Variants in RYR2 observed in about 807,000 individuals in gnomAD.
RYR2 encodes ryanodine receptor 2.
A neutral mutation model predicts 601.1 loss-of-function variants in RYR2; 227 were observed. The ratio of observed to expected loss-of-function variants is 0.38; its 90% CI spans 0.34 to 0.42. The LOEUF is 0.42. Ranked by LOEUF, RYR2 falls within the 10% of genes least tolerant of loss-of-function variation. The pLI is 1.00. For synonymous variants in RYR2, 2,223 were observed against 2,175.1 expected (o/e 1.02, Z -0.61); for missense variants, 4,646 against 6,156.5 (o/e 0.75, Z 8.21).
intron 1 of RYR2, among the ~76,000 whole-genome samples, chr1:237,141,523 A>G (rs953225745): frequency 2.6e-5 from 4 of 152,140 alleles, no homozygotes; most frequent in African/African-American, 9.7e-5. Context: ...TCTTGGGTGC[A>G]GTTGTTAAGA....
At chr1:237,673,221 G>GCAA (rs1685109478) in intron 58 of RYR2, among the ~76,000 whole-genome samples, 1 of 152,100 alleles carries the variant, frequency 6.6e-6, no homozygotes, top group Non-Finnish European at 1.5e-5. Flanking sequence ...CATGTTTTAC[G>GCAA]AATGTTAGAT....
chr1:237,206,770 C>T (rs576772159), intron 1 of RYR2, among the ~76,000 whole-genome samples: 4 of 152,106 alleles, frequency 2.6e-5, no homozygotes, highest in South Asian at 2.1e-4. Flanking sequence ...AATCCTCATT[C>T]GGGCATTCAC....
Position 237,784,643 on chromosome 1 carries a change from A to C in RYR2, c.12931A>C (p.Ser4311Arg), listed in dbSNP as rs2149355805. 6.2e-7 allele frequency: 1 copy of C among 1,613,522 alleles called. No individual in the cohort carries two copies. The highest frequency in any genetic ancestry group is 1.7e-5 in the Admixed American group (1 of 59,962). The change falls in exon 90 of 105, where the codon AGC (serine) becomes CGC (arginine). Residue 4311 changes from serine (S) to arginine (R), a missense_variant. Physicochemically the swap from Ser to Arg is moderately radical, Grantham distance 110 (BLOSUM62 -1). This residue lies in a region of RYR2 where 364 missense variants were observed against 442.9 expected (regional missense o/e 0.82). Coordinates refer to ENST00000366574, the MANE Select transcript of RYR2 (RefSeq NM_001035.3). The surrounding 1 kb of genome is among the most constrained non-coding windows in gnomAD (Gnocchi z 7.1). ...VFRGFFRIIC[S>R]LLLGGSLVEG... ...CAGAGGCTTTTTCCGCATCATTTGC[A>C]GCCTGCTGCTTGGGGGAAGCCTCGT...
At chr1:237,685,556 A>T (rs1686310483) in intron 62 of RYR2, among the ~76,000 whole-genome samples, 1 of 152,208 alleles carries the variant, frequency 6.6e-6, no homozygotes, top group Admixed American at 6.5e-5. Flanking sequence ...TTCACTCTGG[A>T]TACTAGAGAG....
intron 1 of RYR2, among the ~76,000 whole-genome samples, chr1:237,112,199 C>T (rs1343400019): frequency 1.3e-5 from 2 of 152,174 alleles, no homozygotes; most frequent in Admixed American, 1.3e-4. Flanking sequence ...CTGTGACCTC[C>T]GCTTCCCGGG....
Position 237,614,576 on chromosome 1 carries a change from C to T in RYR2, c.5448C>T (p.Phe1816=). The change falls in exon 37 of 105, where the codon TTC becomes TTT. Residue 1816 remains phenylalanine (F), a synonymous_variant. Coordinates refer to ENST00000366574, the MANE Select transcript of RYR2 (RefSeq NM_001035.3). This position sits in a 1 kb window ranked among gnomAD's most constrained non-coding sequence, Gnocchi z 4.3. ...ARDPVGGTTE[F]LFVPLIKLFY... is the part of the protein sequence containing the mutation. The stretch of plus-strand genomic sequence containing the variant: ...ACCCAGTTGGAGGGACTACTGAATT[C>T]CTCTTTGTACCTCTCATCAAGCTTT... The T allele has an allele frequency of 2.5e-6, 4 of 1,614,038 alleles. No individual in the cohort carries two copies. The highest frequency in any genetic ancestry group is 2.5e-6 in the Non-Finnish European group (3 of 1,179,906).
rs1268914442 is a variant in RYR2, at chr1:237,792,275, G to A, written c.13734G>A (p.Leu4578=). ...MEPTLRILAI[L]HTVISFFCII... is the part of the protein sequence containing the mutation. ...CCACGTTGCGTATCTTAGCTATTCT[G>A]CACACGGTCATTTCTTTCTTCTGCA... Residue 4578 remains leucine, a synonymous_variant, in exon 94 of 105, where the codon CTG becomes CTA. Transcript: ENST00000366574. The A allele has an allele frequency of 6.8e-6, 11 of 1,612,796 alleles. No individual in the cohort carries two copies. Among genetic ancestry groups the A allele is most frequent in the South Asian group, 1.1e-5 (1 of 91,042 alleles).
At chr1:237,467,134 AATG>A (rs1230955832) in intron 16 of RYR2, among the ~76,000 whole-genome samples, 5 of 148,442 alleles carry the variant, frequency 3.4e-5, no homozygotes, top group Non-Finnish European at 7.4e-5. Flanking sequence ...ATAATATGAT[AATG>A]ATATATGTTT....
intron 42 of RYR2, among the ~76,000 whole-genome samples, chr1:237,633,287 G>C (rs187767646): frequency 6.6e-6 from 1 of 152,200 alleles, no homozygotes; most frequent in Non-Finnish European, 1.5e-5. Flanking sequence ...GATAGCGGTA[G>C]TGAGGCATCA....
intron 1 of RYR2, among the ~76,000 whole-genome samples, chr1:237,130,859 T>C (rs765146693): frequency 4.6e-5 from 7 of 152,052 alleles, no homozygotes; most frequent in Non-Finnish European, 1.0e-4. Flanking sequence ...AGATACAGGG[T>C]CTTATAGAAA....
In RYR2 at chr1:237,157,409, T is replaced by C. The variant is rs192395040; in HGVS notation, c.49-113088T>C. On this transcript the variant is annotated intron_variant, in intron 1 of 104. Transcript: ENST00000366574. ...AAGTAAATATCCAAAACAACAGCAATCAGTATATCTAAGATATCTGCACTC... is the reference window on the plus strand; with the variant it reads ...AAGTAAATATCCAAAACAACAGCAACCAGTATATCTAAGATATCTGCACTC... Among the ~76,000 whole-genome samples, 27 of 148,754 alleles carry C rather than the reference T, an allele frequency of 1.8e-4. No homozygotes were observed. In the East Asian group the frequency reaches 5.4e-3, roughly 30 times the overall value.
intron 20 of RYR2, among the ~76,000 whole-genome samples, chr1:237,498,224 T>C (rs1295065877): frequency 6.6e-6 from 1 of 152,124 alleles, no homozygotes; most frequent in Non-Finnish European, 1.5e-5. Flanking sequence ...GGGTTGAAGC[T>C]GTGTTTTGCA....
intron 1 of RYR2, among the ~76,000 whole-genome samples, chr1:237,184,769 TA>T (rs1159637976): frequency 1.3e-5 from 2 of 152,188 alleles, no homozygotes; most frequent in African/African-American, 4.8e-5. Flanking sequence ...TATTAGGTTT[TA>T]AATTTTTTTA....
chr1:237,603,177 C>T (rs1298259913), intron 35 of RYR2, among the ~76,000 whole-genome samples: 3 of 152,086 alleles, frequency 2.0e-5, no homozygotes, highest in African/African-American at 7.2e-5. Context: ...AATGGATGAA[C>T]GAGATTCCCA....
At chr1:237,225,187 TAAAAG>T (rs1018668300) in intron 1 of RYR2, among the ~76,000 whole-genome samples, 2 of 151,972 alleles carry the variant, frequency 1.3e-5, no homozygotes, top group Non-Finnish European at 2.9e-5. Context: ...ACTTGGGAAA[TAAAAG>T]AGGAAGGCAG....
chr1:237,172,779 C>T (rs1677565063), intron 1 of RYR2, among the ~76,000 whole-genome samples: 1 of 152,114 alleles, frequency 6.6e-6, no homozygotes, highest in Non-Finnish European at 1.5e-5. Flanking sequence ...CTGTGGGGCC[C>T]CAGGGAGGTT....
chr1:237,054,694 T>C (rs908333236), intron 1 of RYR2, among the ~76,000 whole-genome samples: 1 of 152,204 alleles, frequency 6.6e-6, no homozygotes, highest in Admixed American at 6.5e-5. Flanking sequence ...GTGAAGAAAT[T>C]AAATAAAATC....
At chr1:237,170,923 C>G (rs1211801770) in intron 1 of RYR2, among the ~76,000 whole-genome samples, 1 of 151,994 alleles carries the variant, frequency 6.6e-6, no homozygotes, top group Admixed American at 6.6e-5. Context: ...CTGAGTAGTT[C>G]TAGTTCCTGG....
chr1:237,456,759 A>G (rs761325460), intron 16 of RYR2, 24 bp downstream of exon 16: 15 of 1,611,966 alleles, frequency 9.3e-6, no homozygotes, highest in Admixed American at 5.0e-5. Context: ...TTGGGTTCAT[A>G]GCAACAGAGT....
Sources: allele counts gnomAD v4.1 joint callset (sites outside exome capture counted in the v4.1 genomes callset), GRCh38; gene constraint gnomAD v4.1.1; regional missense constraint gnomAD v4.1.1; non-coding constraint Gnocchi (gnomAD v3.1); transcripts MANE v1.5; gene names NCBI Gene and HGNC (gene_info 2026-07-23, HGNC 2026-07-21).